The following TCF4 variants were observed in gnomAD, a reference collection of about 807,000 sequenced individuals.
TCF4 encodes the protein SL3-3 enhancer factor 2.
In TCF4, 3 loss-of-function variants were observed where a neutral mutation model predicts 82.1. That is an observed-to-expected ratio of 0.04 (90% CI 0.02 to 0.09). TCF4 has a LOEUF of 0.09. Among genes scored for constraint, TCF4 ranks in the 10% least tolerant of loss-of-function variants. TCF4 has a pLI of 1.00. For missense variants in TCF4, 518 were observed against 852.7 expected (o/e 0.61, Z 4.89); for synonymous variants, 276 against 309.6 (o/e 0.89, Z 1.14).
intron 8 of TCF4, among the ~76,000 whole-genome samples, chr18:55,309,353 C>T (rs937786470): frequency 1.3e-5 from 2 of 151,566 alleles, no homozygotes; most frequent in Non-Finnish European, 2.9e-5. Flanking sequence ...AACTCCTGGG[C>T]TTAGGCAATC....
intron 3 of TCF4, among the ~76,000 whole-genome samples, chr18:55,562,296 G>A (rs1221432605): frequency 6.6e-6 from 1 of 152,174 alleles, no homozygotes; most frequent in South Asian, 2.1e-4. Flanking sequence ...CTTTACTGAG[G>A]AAGGATGATT....
intron 8 of TCF4, among the ~76,000 whole-genome samples, chr18:55,302,980 C>A (rs1387115486): frequency 2.0e-5 from 3 of 152,186 alleles, no homozygotes; most frequent in African/African-American, 7.2e-5. Flanking sequence ...TTGTCAAAAG[C>A]ATCCCATCCA....
intron 3 of TCF4, among the ~76,000 whole-genome samples, chr18:55,532,822 G>A (rs2097078802): frequency 6.6e-6 from 1 of 152,054 alleles, no homozygotes; most frequent in Admixed American, 6.6e-5. Flanking sequence ...TAAGAGCTCT[G>A]AATTCTAATT....
chr18:55,404,490 C>G (rs1180802224), intron 5 of TCF4: 1 of 152,204 alleles, frequency 6.6e-6, no homozygotes, highest in Admixed American at 6.5e-5. Context: ...CTTCTTTCGT[C>G]AAGACTGGAG....
chr18:55,560,590 G>A (rs2097346690), intron 3 of TCF4, among the ~76,000 whole-genome samples: 1 of 152,096 alleles, frequency 6.6e-6, no homozygotes. Flanking sequence ...CTAGGCAACT[G>A]ACATATGTGG....
At chr18:55,605,772 T>G (rs1404764172) in intron 2 of TCF4, among the ~76,000 whole-genome samples, 1 of 152,232 alleles carries the variant, frequency 6.6e-6, no homozygotes, top group Non-Finnish European at 1.5e-5. Flanking sequence ...GTACTCCGCA[T>G]TTTGTACATG....
chr18:55,533,838 CTT>C (rs1488667524), intron 3 of TCF4, among the ~76,000 whole-genome samples: 2 of 152,204 alleles, frequency 1.3e-5, no homozygotes, highest in Admixed American at 1.3e-4. Flanking sequence ...ACCTCCACCT[CTT>C]ATCGTCTCAT....
intron 17 of TCF4, 49 bp downstream of exon 17, chr18:55,232,460 A>G (rs771103889): frequency 2.5e-6 from 4 of 1,604,062 alleles, no homozygotes; most frequent in East Asian, 2.2e-5. Flanking sequence ...TCACTTCATC[A>G]AAGTCCAATA....
chr18:55,594,350 T>C (rs550718993), intron 2 of TCF4, among the ~76,000 whole-genome samples: 2 of 152,288 alleles, frequency 1.3e-5, no homozygotes, highest in African/African-American at 4.8e-5. Flanking sequence ...TGCATTTCCT[T>C]TTACATTGAC....
In TCF4 at chr18:55,574,354, T is replaced by C. The variant is rs548656466; in HGVS notation, c.145+10926A>G. On this transcript the variant is annotated intron_variant, in intron 3 of 19. Coordinates refer to ENST00000354452, the MANE Select transcript of TCF4 (RefSeq NM_001083962.2). ...TTTATTTTATTTTTGAGACAGAGTC[T>C]TGCTCTGTCGCCAATACTGGAGGGC... 4.5e-4 allele frequency among the ~76,000 whole-genome samples: 68 copies of C among 152,316 alleles called. 2 individuals are homozygous for C. The South Asian group carries it at 7.5e-3, about 17-fold the overall frequency.
chr18:55,533,675 G>A (rs1568334221), intron 3 of TCF4, among the ~76,000 whole-genome samples: 1 of 152,172 alleles, frequency 6.6e-6, no homozygotes, highest in Non-Finnish European at 1.5e-5. Context: ...ATGTAACAAT[G>A]TCTAGCCTCC....
intron 3 of TCF4, among the ~76,000 whole-genome samples, chr18:55,530,871 T>C (rs771255451): frequency 6.6e-6 from 1 of 151,964 alleles, no homozygotes; most frequent in South Asian, 2.1e-4. Context: ...AGACTGCAAA[T>C]GACACTCTGG....
intron 3 of TCF4, among the ~76,000 whole-genome samples, chr18:55,526,635 G>A (rs1362252034): frequency 6.6e-6 from 1 of 152,174 alleles, no homozygotes. Flanking sequence ...CTGTTCCACA[G>A]ACAGCAGAAG....
intron 6 of TCF4, among the ~76,000 whole-genome samples, chr18:55,372,978 A>G (rs1267563450): frequency 2.0e-5 from 3 of 151,460 alleles, no homozygotes; most frequent in African/African-American, 4.8e-5. Context: ...GCACCATTAG[A>G]AAAAAAAAGA....
rs77354653 is a variant in TCF4 at position 55,391,621 on chromosome 18, C to A, written c.369+11833G>T. Among the ~76,000 whole-genome samples the A allele has an allele frequency of 7.8e-4, 118 of 152,076 alleles. 3 individuals carry two copies. The East Asian group carries it at 0.021, about 28-fold the overall frequency. ...CAAACGACCACTCACTGACTTGAAT[C>A]AACATTCCTATCAAAAAAGAAGAAC... On this transcript the variant is annotated intron_variant, in intron 6 of 19. Coordinates refer to ENST00000354452, the MANE Select transcript of TCF4 (RefSeq NM_001083962.2).
chr18:55,358,439 G>A lies in TCF4; in HGVS notation c.370-7436C>T, dbSNP rs1041193880. On this transcript the variant is annotated intron_variant, in intron 6 of 19. Coordinates refer to ENST00000354452, the MANE Select transcript of TCF4 (RefSeq NM_001083962.2). ...GGTAGGTATAGCAGGAGCAGCAGCA[G>A]CTACAAGTCACAGTGTCTGCTAAGT... Among the ~76,000 whole-genome samples, 8 of 152,234 alleles carry A rather than the reference G, an allele frequency of 5.3e-5. No homozygotes were observed. In the South Asian group the frequency reaches 1.7e-3, roughly 31 times the overall value.
At chr18:55,354,431 G>A (rs2083003011) in intron 6 of TCF4, among the ~76,000 whole-genome samples, 1 of 152,122 alleles carries the variant, frequency 6.6e-6, no homozygotes, top group Non-Finnish European at 1.5e-5. Context: ...CCTTTTCAGG[G>A]GAGCTTCTTA....
At chr18:55,344,924 T>C (rs116671631) in intron 8 of TCF4, among the ~76,000 whole-genome samples, 5,389 of 152,234 alleles carry the variant, frequency 0.035, 127 homozygotes, top group African/African-American at 0.048. Context: ...TGCTTGTCTT[T>C]TCCTTTATAT....
intron 6 of TCF4, 139 bp from the exon 7 acceptor site, chr18:55,351,142 A>C: frequency 1.8e-6 from 2 of 1,081,092 alleles, no homozygotes; most frequent in Non-Finnish European, 2.6e-6. Flanking sequence ...ACAAAACAAA[A>C]ACCCAAAAGA....
Sources: gnomAD v4.1 joint callset for allele counts (sites outside exome capture counted in the v4.1 genomes callset) on GRCh38, gnomAD v4.1.1 for gene constraint, MANE v1.5 for transcripts, NCBI Gene and HGNC (gene_info 2026-07-23, HGNC 2026-07-21) for gene names.